The following PTTG1IP2 variants were observed in gnomAD, a reference collection of about 807,000 sequenced individuals.
The protein encoded by PTTG1IP2 is PTTG1IP family member 2.
chr7:90,503,923 A>G (rs1264357778), intron 6 of PTTG1IP2, among the ~76,000 whole-genome samples: 3 of 152,214 alleles, frequency 2.0e-5, no homozygotes, highest in Non-Finnish European at 4.4e-5. Context: ...TAAACCTTAA[A>G]TCTGTAGAAA....
chr7:90,487,617 G>A (rs954325874), intron 3 of PTTG1IP2, among the ~76,000 whole-genome samples, 197 bp downstream of exon 3: 19 of 152,228 alleles, frequency 1.2e-4, no homozygotes, highest in African/African-American at 4.6e-4. Context: ...AGAACTTTAA[G>A]TAAAATAAAA....
At chr7:90,491,987 T>C (rs1797943885) in intron 4 of PTTG1IP2, among the ~76,000 whole-genome samples, 1 of 151,860 alleles carries the variant, frequency 6.6e-6, no homozygotes, top group Non-Finnish European at 1.5e-5. Flanking sequence ...AAAAATTAGC[T>C]GGGTATGGTG....
At chr7:90,498,433 A>G (rs1312357116) in intron 6 of PTTG1IP2, among the ~76,000 whole-genome samples, 1 of 152,240 alleles carries the variant, frequency 6.6e-6, no homozygotes, top group Non-Finnish European at 1.5e-5. Flanking sequence ...TCTCTTCACC[A>G]TCTTTAAGGA....
At chr7:90,502,695 G>C (rs1352963498) in intron 6 of PTTG1IP2, among the ~76,000 whole-genome samples, 1 of 152,152 alleles carries the variant, frequency 6.6e-6, no homozygotes, top group African/African-American at 2.4e-5. Context: ...ATTTTGAAAG[G>C]AATCTTTTTT....
intron 4 of PTTG1IP2, among the ~76,000 whole-genome samples, chr7:90,489,390 G>T (rs935004060): frequency 6.6e-6 from 1 of 151,562 alleles, no homozygotes; most frequent in Admixed American, 6.6e-5. Context: ...TTTTTGGGTT[G>T]TTACTATTTT....
At chr7:90,476,838 A>G (rs1396508346) in intron 1 of PTTG1IP2, among the ~76,000 whole-genome samples, 2 of 151,974 alleles carry the variant, frequency 1.3e-5, no homozygotes, top group African/African-American at 4.8e-5. Context: ...TTTTACATAT[A>G]CTCCCCATTG....
At chr7:90,480,543 G>A (rs1486467055) in intron 2 of PTTG1IP2, among the ~76,000 whole-genome samples, 1 of 151,818 alleles carries the variant, frequency 6.6e-6, no homozygotes, top group Non-Finnish European at 1.5e-5. Context: ...AGCAAATGAT[G>A]ATATGGATAC....
At chr7:90,499,403 C>T (rs1416531758) in intron 6 of PTTG1IP2, among the ~76,000 whole-genome samples, 1 of 151,804 alleles carries the variant, frequency 6.6e-6, no homozygotes, top group Non-Finnish European at 1.5e-5. Context: ...CCTTGTTTTC[C>T]AACTTTTGTA....
At chr7:90,483,141 G>T (rs17867676) in intron 2 of PTTG1IP2, among the ~76,000 whole-genome samples, 7,328 of 152,158 alleles carry the variant, frequency 0.048, 266 homozygotes, top group Non-Finnish European at 0.075. Flanking sequence ...ATCACCTGTT[G>T]GGAGTCCTTC....
At chr7:90,510,175 C>A (rs1178686267) in intron 6 of PTTG1IP2, among the ~76,000 whole-genome samples, 2 of 152,158 alleles carry the variant, frequency 1.3e-5, no homozygotes, top group Non-Finnish European at 2.9e-5. Context: ...GGGCGGGGAC[C>A]ACTGTGCCTA....
chr7:90,485,317 C>G (rs1034140138), intron 2 of PTTG1IP2, among the ~76,000 whole-genome samples: 6 of 152,158 alleles, frequency 3.9e-5, no homozygotes, highest in African/African-American at 1.4e-4. Context: ...GCAACTAAAT[C>G]TCAACTGCAA....
At chr7:90,495,884 A>G (rs2116097636) in intron 6 of PTTG1IP2, among the ~76,000 whole-genome samples, 1 of 152,256 alleles carries the variant, frequency 6.6e-6, no homozygotes, top group East Asian at 1.9e-4. Context: ...GTGCACATTT[A>G]TTTGTTGTTG....
chr7:90,492,822 A>G (rs1408087676), intron 5 of PTTG1IP2, among the ~76,000 whole-genome samples: 1 of 152,198 alleles, frequency 6.6e-6, no homozygotes, highest in Non-Finnish European at 1.5e-5. Flanking sequence ...AGGCTTTCCC[A>G]GATTAATTCA....
At chr7:90,470,882 C>G (rs1357124302) in intron 1 of PTTG1IP2, among the ~76,000 whole-genome samples, 2 of 149,402 alleles carry the variant, frequency 1.3e-5, no homozygotes, top group African/African-American at 2.5e-5. Context: ...AAAACAAATT[C>G]TTCCTTTTGT....
intron 2 of PTTG1IP2, among the ~76,000 whole-genome samples, chr7:90,484,882 T>C (rs1797851100): frequency 6.6e-6 from 1 of 152,234 alleles, no homozygotes; most frequent in South Asian, 2.1e-4. Flanking sequence ...TTTTCTCTTG[T>C]GGTAAATGGA....
At chr7:90,504,532 T>C (rs1798103031) in intron 6 of PTTG1IP2, among the ~76,000 whole-genome samples, 1 of 152,218 alleles carries the variant, frequency 6.6e-6, no homozygotes, top group African/African-American at 2.4e-5. Context: ...AAAACAGCTA[T>C]AGACCATACA....
chr7:90,491,344 C>T (rs182750262), intron 4 of PTTG1IP2, among the ~76,000 whole-genome samples: 143 of 152,270 alleles, frequency 9.4e-4, no homozygotes, highest in Middle Eastern at 3.4e-3. Context: ...AAGATCAGGC[C>T]GGGTGTGCTG....
At chr7:90,490,984 T>C (rs1797930471) in intron 4 of PTTG1IP2, among the ~76,000 whole-genome samples, 1 of 152,230 alleles carries the variant, frequency 6.6e-6, no homozygotes, top group African/African-American at 2.4e-5. Flanking sequence ...CAATGAGTGC[T>C]GTATTCTGTA....
chr7:90,481,797 T>G (rs1192727340), intron 2 of PTTG1IP2, among the ~76,000 whole-genome samples: 1 of 152,158 alleles, frequency 6.6e-6, no homozygotes, highest in Non-Finnish European at 1.5e-5. Flanking sequence ...AGAGTCCATG[T>G]TTTTTTATTC....
Sources: gnomAD v4.1 joint callset for allele counts (sites outside exome capture counted in the v4.1 genomes callset) on GRCh38, gnomAD v4.1.1 for gene constraint, MANE v1.5 for transcripts, NCBI Gene and HGNC (gene_info 2026-07-23, HGNC 2026-07-21) for gene names.